The following PCDHGA5 variants were observed in gnomAD, a reference collection of about 807,000 sequenced individuals.
PCDHGA5 encodes the protein protocadherin gamma subfamily A, 5.
A neutral mutation model predicts 56.7 loss-of-function variants in PCDHGA5; 36 were observed. The ratio of observed to expected loss-of-function variants is 0.64; its 90% CI spans 0.49 to 0.84. The LOEUF (loss-of-function observed/expected upper bound fraction) is 0.84. Among genes scored for constraint, PCDHGA5 ranks in the 40% least tolerant of loss-of-function variants. The probability of loss-of-function intolerance (pLI) is 0.00; values close to 1 mark genes in which losing one functional copy is unlikely to be tolerated. For missense variants in PCDHGA5, 1,305 were observed against 1,201.5 expected (o/e 1.09, Z -1.27); for synonymous variants, 563 against 520.2 (o/e 1.08, Z -1.12).
rs972633773 is a variant in PCDHGA5, at chr5:141,489,751, A to T, written c.2422-5056A>T. ...GGGCACCAATACTGTGAGCTTTTAC[A>T]CTCTAAGCCCCAACAGCCACTTCTC... On this transcript the variant is annotated intron_variant, in intron 1 of 3. Coordinates refer to ENST00000518069, the MANE Select transcript of PCDHGA5 (RefSeq NM_018918.3). The surrounding 1 kb of genome is among the most constrained non-coding windows in gnomAD (Gnocchi z 4.5). The T allele has an allele frequency of 1.9e-6, 3 of 1,613,740 alleles. No individual in the cohort carries two copies. Among genetic ancestry groups the T allele is most frequent in the African/African-American group, 2.7e-5 (2 of 74,840 alleles).
intron 1 of PCDHGA5, among the ~76,000 whole-genome samples, chr5:141,367,981 T>C (rs908218120): frequency 6.6e-6 from 1 of 152,212 alleles, no homozygotes; most frequent in African/African-American, 2.4e-5. Context: ...TCATCTTAAA[T>C]TAATAGATTT....
intron 1 of PCDHGA5, among the ~76,000 whole-genome samples, chr5:141,467,211 C>G (rs1288732759): frequency 6.6e-6 from 1 of 152,068 alleles, no homozygotes; most frequent in Non-Finnish European, 1.5e-5. Context: ...TGCCACCATG[C>G]CTGGCTAATT....
Position 141,366,664 on chromosome 5 carries a change from G to C in PCDHGA5, c.2334G>C (p.Thr778=). 6.2e-7 allele frequency: 1 copy of C among 1,614,236 alleles called. No homozygotes were observed. Among genetic ancestry groups the C allele is most frequent in the Non-Finnish European group, 8.5e-7 (1 of 1,180,042 alleles). ...TTCCCCAGCCCAACTACGCAGACAC[G>C]CTCCTTAGTGAAGAGAGCTGTGAGA... ...LIFPQPNYAD[T]LLSEESCEKS... The change falls in exon 1 of 4, where the codon ACG becomes ACC. Residue 778 remains threonine, a synonymous_variant. Coordinates refer to ENST00000518069, the MANE Select transcript of PCDHGA5 (RefSeq NM_018918.3).
intron 1 of PCDHGA5, chr5:141,414,054 G>A: frequency 6.2e-7 from 1 of 1,610,250 alleles, no homozygotes; most frequent in Non-Finnish European, 8.5e-7. Flanking sequence ...ACACGCAATT[G>A]TTGAAGTTCC....
chr5:141,501,501 T>C (rs2099809553), intron 2 of PCDHGA5, among the ~76,000 whole-genome samples: 1 of 151,938 alleles, frequency 6.6e-6, no homozygotes, highest in Non-Finnish European at 1.5e-5. Context: ...CTGCTGGGGC[T>C]CCAAGGCCTC....
At chr5:141,374,343 C>T in intron 1 of PCDHGA5, 2 of 1,613,990 alleles carry the variant, frequency 1.2e-6, no homozygotes, top group Non-Finnish European at 1.7e-6. Context: ...TTGGTCACCG[C>T]GGGTAGGATA....
In PCDHGA5 at chr5:141,400,030, C is replaced by T. The variant is rs201599536; in HGVS notation, c.2421+33279C>T. 180 of 1,613,050 alleles carry T rather than the reference C, an allele frequency of 1.1e-4. No individual in the cohort carries two copies. Among genetic ancestry groups the T allele is most frequent in the East Asian group, 1.6e-4 (7 of 44,886 alleles). On this transcript the variant is annotated intron_variant, in intron 1 of 3. Coordinates refer to ENST00000518069, the MANE Select transcript of PCDHGA5 (RefSeq NM_018918.3). Reference sequence around the variant, plus strand: ...TGCCTTGGGCGACAGGGACGCGGCCCGCCAGCGCCTGCTGGTTGCTGTGCG... The same window carrying T: ...TGCCTTGGGCGACAGGGACGCGGCCTGCCAGCGCCTGCTGGTTGCTGTGCG...
At position 141,366,708 on chromosome 5, in the gene PCDHGA5, T is replaced by G. The variant is rs374131113; in HGVS notation, c.2378T>G (p.Met793Arg). ...TGTGAGAAAAGCGAGCCTCTTCTGA[T>G]GTCTGATAAGGTAGATGCAAACAAA... ...ESCEKSEPLL[M>R]SDKVDANKEE... is the part of the protein sequence containing the mutation. Residue 793 changes from methionine (M) to arginine (R), a missense_variant, in exon 1 of 4, where the codon ATG (methionine) becomes AGG (arginine). Physicochemically the swap from Met to Arg is moderately conservative, Grantham distance 91. Transcript: ENST00000518069. The G allele has an allele frequency of 1.2e-6, 2 of 1,614,120 alleles. No individual in the cohort carries two copies. The highest frequency in any genetic ancestry group is 1.3e-5 in the African/African-American group (1 of 74,954).
intron 1 of PCDHGA5, chr5:141,471,509 TA>T (rs1211467109): frequency 6.6e-6 from 1 of 152,008 alleles, no homozygotes; most frequent in Non-Finnish European, 1.5e-5. Context: ...AGAGAGGGAG[TA>T]AAAATAACAG....
At chr5:141,409,137 T>G (rs748502213) in intron 1 of PCDHGA5, 1 of 1,613,936 alleles carries the variant, frequency 6.2e-7, no homozygotes, top group Non-Finnish European at 8.5e-7. Flanking sequence ...TTTGAAGATG[T>G]AGAAAGGTAC....
At chr5:141,448,602 A>G (rs1350132402) in intron 1 of PCDHGA5, among the ~76,000 whole-genome samples, 1 of 152,154 alleles carries the variant, frequency 6.6e-6, no homozygotes, top group Non-Finnish European at 1.5e-5. Flanking sequence ...AAAATACTAT[A>G]CACCACTTTA....
chr5:141,474,405 G>C (rs2099348833), intron 1 of PCDHGA5, among the ~76,000 whole-genome samples: 1 of 152,196 alleles, frequency 6.6e-6, no homozygotes, highest in Admixed American at 6.5e-5. Context: ...AAGCTCCCCG[G>C]TGATGCCTAG....
chr5:141,466,518 T>C (rs1430823209), intron 1 of PCDHGA5, among the ~76,000 whole-genome samples: 2 of 152,222 alleles, frequency 1.3e-5, no homozygotes, highest in Admixed American at 6.5e-5. Flanking sequence ...TCATTTTTTT[T>C]CCTCCCAAAT....
Position 141,491,898 on chromosome 5 carries a change from G to C in PCDHGA5, c.2422-2909G>C, listed in dbSNP as rs772673872. 9.0e-5 allele frequency: 129 copies of C among 1,428,816 alleles called. 1 individual carries two copies. In the Middle Eastern group the frequency reaches 2.0e-3, roughly 22 times the overall value. The allele number at this position is 1,428,816 out of a possible 1,614,324, so 88.5% of individuals were successfully genotyped here. On this transcript the variant is annotated intron_variant, in intron 1 of 3. Coordinates refer to ENST00000518069, the MANE Select transcript of PCDHGA5 (RefSeq NM_018918.3). The surrounding 1 kb of genome is among the most constrained non-coding windows in gnomAD (Gnocchi z 6.9). ...ATTAAGGGATGGGGCTCCGAGCACCGGGGGTGGTGGCGACTGTGGGCGAGG... is the reference window on the plus strand; with the variant it reads ...ATTAAGGGATGGGGCTCCGAGCACCCGGGGTGGTGGCGACTGTGGGCGAGG...
intron 1 of PCDHGA5, chr5:141,410,735 T>C: frequency 7.5e-7 from 1 of 1,336,188 alleles, no homozygotes; most frequent in Non-Finnish European, 1.0e-6. Context: ...CATAGCTTTT[T>C]ACAATATTTT....
chr5:141,505,618 A>G, intron 3 of PCDHGA5, 137 bp downstream of exon 3: 6 of 1,496,136 alleles, frequency 4.0e-6, no homozygotes, highest in Non-Finnish European at 5.4e-6. Flanking sequence ...GAAAGGACCC[A>G]CAATTCCAAA....
At chr5:141,420,025 T>A in intron 1 of PCDHGA5, 1 of 1,614,096 alleles carries the variant, frequency 6.2e-7, no homozygotes, top group Non-Finnish European at 8.5e-7. Context: ...TCAGCCCTAC[T>A]GCAGGAGACT....
At chr5:141,466,689 A>G (rs2099127361) in intron 1 of PCDHGA5, among the ~76,000 whole-genome samples, 1 of 152,220 alleles carries the variant, frequency 6.6e-6, no homozygotes, top group Admixed American at 6.5e-5. Context: ...CTCAAGCTTC[A>G]TCATAAATTT....
At chr5:141,438,232 GT>G (rs531572606) in intron 1 of PCDHGA5, among the ~76,000 whole-genome samples, 207 of 152,154 alleles carry the variant, frequency 1.4e-3, no homozygotes, top group Middle Eastern at 0.01. Flanking sequence ...TCAGGAAAAT[GT>G]TTTTAAAAAA....
Sources: gnomAD v4.1 joint callset for allele counts (sites outside exome capture counted in the v4.1 genomes callset) on GRCh38, gnomAD v4.1.1 for gene constraint, Gnocchi (gnomAD v3.1) non-coding constraint, MANE v1.5 for transcripts, NCBI Gene and HGNC (gene_info 2026-07-23, HGNC 2026-07-21) for gene names.